WDFY4: variants seen among roughly 807,000 people sequenced by gnomAD.
WDFY4 encodes WDFY family member 4, also known as WD repeat- and FYVE domain-containing protein 4.
WDFY4 carries 169 observed loss-of-function variants against 351.9 expected under a neutral mutation model. The ratio of observed to expected loss-of-function variants is 0.48; its 90% CI spans 0.42 to 0.55. The LOEUF (loss-of-function observed/expected upper bound fraction) is 0.55, where lower values mean the gene tolerates loss of function less well. WDFY4 is among the 20% of genes least tolerant of loss of function. The pLI is 0.00. For missense variants in WDFY4, 3,803 were observed against 3,935.6 expected (o/e 0.97, Z 0.90); for synonymous variants, 1,622 against 1,574.6 (o/e 1.03, Z -0.71).
intron 43 of WDFY4, chr10:48,884,217 A>G (rs1220098189): frequency 6.6e-6 from 1 of 152,204 alleles, no homozygotes; most frequent in Non-Finnish European, 1.5e-5. Flanking sequence ...TCTGGATTGC[A>G]GAGAGTGGCA....
intron 39 of WDFY4, among the ~76,000 whole-genome samples, chr10:48,836,552 G>A (rs1467621368): frequency 6.6e-6 from 1 of 152,160 alleles, no homozygotes; most frequent in Admixed American, 6.5e-5. Context: ...ATTGTTCCTT[G>A]GAGTGAGACA....
intron 47 of WDFY4, among the ~76,000 whole-genome samples, chr10:48,915,728 C>T (rs894885772): frequency 3.3e-5 from 5 of 152,152 alleles, no homozygotes; most frequent in Non-Finnish European, 1.5e-5. Context: ...AGGGTCCTAC[C>T]CTGCGAAAGG....
chr10:48,702,293 C>T (rs539016468), intron 1 of WDFY4, among the ~76,000 whole-genome samples: 3 of 152,258 alleles, frequency 2.0e-5, no homozygotes, highest in African/African-American at 7.2e-5. Flanking sequence ...AAGTTCTGTG[C>T]AGCTGACTCC....
chr10:48,796,461 G>T lies in WDFY4; in HGVS notation c.4410+11G>T. The T allele has an allele frequency of 1.3e-6, 2 of 1,549,124 alleles. No individual in the cohort carries two copies. The highest frequency in any genetic ancestry group is 1.7e-6 in the Non-Finnish European group (2 of 1,146,884). On this transcript the variant is annotated intron_variant, in intron 24 of 61. Coordinates refer to ENST00000325239, the MANE Select transcript of WDFY4 (RefSeq NM_001394531.1). ...CTCTGCAATTTCGAGGTAAATCAGA[G>T]ATTGGCCCTTAGTCCTTCAGGAGTG...
intron 47 of WDFY4, chr10:48,913,944 T>TTGGAGA: frequency 6.2e-7 from 1 of 1,614,118 alleles, no homozygotes; most frequent in Non-Finnish European, 8.5e-7. Flanking sequence ...GTTCTGGAAC[T>TTGGAGA]TGGAGATGGA....
chr10:48,904,959 G>A (rs780161022), intron 47 of WDFY4, among the ~76,000 whole-genome samples: 10 of 152,188 alleles, frequency 6.6e-5, no homozygotes, highest in Non-Finnish European at 1.0e-4. Context: ...ATGGTTCCAC[G>A]CAGAGGGAAG....
intron 47 of WDFY4, among the ~76,000 whole-genome samples, chr10:48,931,950 A>T (rs1313149252): frequency 6.6e-6 from 1 of 152,232 alleles, no homozygotes; most frequent in African/African-American, 2.4e-5. Context: ...CATGTTAGTC[A>T]TGCCGGCTGT....
At chr10:48,742,845 G>A (rs763208329) in intron 11 of WDFY4, 123 bp from the exon 12 acceptor site, 3 of 874,586 alleles carry the variant, frequency 3.4e-6, no homozygotes, top group African/African-American at 3.4e-5. Context: ...GATCCTTCCT[G>A]TAACTTGTTG....
chr10:48,876,683 G>T (rs1023687632), intron 42 of WDFY4, among the ~76,000 whole-genome samples: 1 of 152,186 alleles, frequency 6.6e-6, no homozygotes, highest in South Asian at 2.1e-4. Flanking sequence ...GTGAAATTCA[G>T]AGAAAGCAAA....
chr10:48,974,519 A>AAAAAAAAAAAAAAAAACAAC lies in WDFY4; in HGVS notation c.8929-333_8929-332insAAAAAACAACAAAAAAAAAA, dbSNP rs1352344126. Among the ~76,000 whole-genome samples, 32 of 49,966 alleles carry AAAAAAAAAAAAAAAAACAAC rather than the reference A, an allele frequency of 6.4e-4. 3 individuals carry two copies. Among genetic ancestry groups the AAAAAAAAAAAAAAAAACAAC allele is most frequent in the South Asian group, 1.3e-3 (1 of 766 alleles). 32.8% of individuals were successfully genotyped at this position (49,966 alleles called of 152,430 possible). On this transcript the variant is annotated intron_variant, in intron 57 of 61. Transcript: ENST00000325239. ...CTCCGTCTCAAAAAAAAAAAAAAAA[A>AAAAAAAAAAAAAAAAACAAC]AAAAAAAAAACAACTCATGACATGA...
Position 48,778,072 on chromosome 10 carries a change from TGG to T in WDFY4, c.3176-537_3176-536del, listed in dbSNP as rs1328251062. ...TGCACTTAGCTGAAAACACGCTGGG[TGG>T]GACAGTGCAAGTGCCTGATGCTGCC... On this transcript the variant is annotated intron_variant, in intron 17 of 61. Transcript: ENST00000325239. 2.0e-5 allele frequency among the ~76,000 whole-genome samples: 3 copies of T among 152,150 alleles called. 1 individual carries two copies. The East Asian group carries it at 5.8e-4, about 29-fold the overall frequency.
chr10:48,817,975 A>G (rs7919656), intron 32 of WDFY4, among the ~76,000 whole-genome samples: 82,500 of 152,084 alleles, frequency 0.54, 22,839 homozygotes, highest in East Asian at 0.84. Flanking sequence ...ATGGGAAGAC[A>G]TGTGAGTTTG....
chr10:48,980,683 G>A (rs900088397), intron 60 of WDFY4, among the ~76,000 whole-genome samples: 3 of 152,144 alleles, frequency 2.0e-5, no homozygotes, highest in Non-Finnish European at 4.4e-5. Flanking sequence ...TGCATTTCCT[G>A]GCACATGGCC....
chr10:48,948,107 G>T (rs939571334), intron 51 of WDFY4, among the ~76,000 whole-genome samples: 2 of 152,176 alleles, frequency 1.3e-5, no homozygotes, highest in Non-Finnish European at 2.9e-5. Context: ...GGAATGGGTA[G>T]GCAAGGTCAA....
intron 25 of WDFY4, 34 bp downstream of exon 25, chr10:48,803,393 C>G (rs1655279769): frequency 6.5e-7 from 1 of 1,546,398 alleles, no homozygotes. Context: ...GGGGTTAGAA[C>G]TGAAGGCTGA....
intron 47 of WDFY4, among the ~76,000 whole-genome samples, chr10:48,941,057 CAT>C (rs563470477): frequency 7.0e-4 from 107 of 152,302 alleles, no homozygotes; most frequent in African/African-American, 2.5e-3. Context: ...TACCCAGAGA[CAT>C]GTGCCAAAAG....
At chr10:48,702,143 G>A (rs1484078938) in intron 1 of WDFY4, among the ~76,000 whole-genome samples, 1 of 152,126 alleles carries the variant, frequency 6.6e-6, no homozygotes, top group Non-Finnish European at 1.5e-5. Context: ...ACTTCATAGT[G>A]GCTCTGCATT....
At chr10:48,910,107 C>A (rs1837862092) in intron 47 of WDFY4, 3 of 840,202 alleles carry the variant, frequency 3.6e-6, no homozygotes, top group Admixed American at 1.9e-5. Context: ...GGTGGCTTGG[C>A]CAGCTCCGGC....
intron 10 of WDFY4, 105 bp from the exon 11 acceptor site, chr10:48,735,775 C>A (rs2064638545): frequency 8.3e-7 from 1 of 1,200,228 alleles, no homozygotes; most frequent in Non-Finnish European, 1.1e-6. Context: ...CAAAAAATAG[C>A]AAAATGAAGT....
Sources: allele counts gnomAD v4.1 joint callset (sites outside exome capture counted in the v4.1 genomes callset), GRCh38; gene constraint gnomAD v4.1.1; transcripts MANE v1.5; gene names NCBI Gene and HGNC (gene_info 2026-07-23, HGNC 2026-07-21).